The following KNTC1 variants were observed in gnomAD, a reference collection of about 807,000 sequenced individuals.
KNTC1 encodes the protein kinetochore-associated protein 1.
In KNTC1, 253 loss-of-function variants were observed where a neutral mutation model predicts 314.4. The ratio of observed to expected loss-of-function variants is 0.80; its 90% CI spans 0.73 to 0.89. The LOEUF is 0.89. Among genes scored for constraint, KNTC1 ranks in the 40% least tolerant of loss-of-function variants. The pLI, the probability that KNTC1 is intolerant of heterozygous loss-of-function variation, is 0.00. For synonymous variants in KNTC1, 901 were observed against 901.4 expected (o/e 1.00, Z 0.01); for missense variants, 2,475 against 2,572.9 (o/e 0.96, Z 0.82).
At chr12:122,556,856 C>T (rs1963632604) in intron 16 of KNTC1, among the ~76,000 whole-genome samples, 1 of 149,626 alleles carries the variant, frequency 6.7e-6, no homozygotes. Flanking sequence ...TGACTTATCT[C>T]ACTTACCATA....
intron 5 of KNTC1, among the ~76,000 whole-genome samples, chr12:122,541,334 TCTGTCTC>T (rs1565934853): frequency 5.4e-5 from 8 of 147,466 alleles, no homozygotes; most frequent in Admixed American, 1.3e-4. Context: ...CCGTCCTTCC[TCTGTCTC>T]TCCCTCTCTT....
In KNTC1 at chr12:122,546,227, G is replaced by T; in HGVS notation, c.721G>T (p.Gly241Ter). 6.2e-7 allele frequency: 1 copy of T among 1,609,126 alleles called. No homozygotes were observed. ...ATGGGAACCAGATTCTTCCAAGAAA[G>T]GAATGACAGTTAAGAACCTTATTGA... Reference protein sequence around the residue: ...SKWEPDSSKKGMTVKNLIDAE... With the variant: ...SKWEPDSSKK Residue 241 changes from glycine (G) to a stop codon, truncating the protein, a stop_gained, in exon 9 of 64, where the codon GGA becomes TGA. Coordinates refer to ENST00000333479, the MANE Select transcript of KNTC1 (RefSeq NM_014708.6). LOFTEE classifies it high-confidence loss of function.
intron 18 of KNTC1, 64 bp from the exon 19 acceptor site, chr12:122,561,857 T>A (rs1593545392): frequency 7.3e-7 from 1 of 1,363,924 alleles, no homozygotes. Context: ...TCACAGAAAA[T>A]CCATCATTTA....
At chr12:122,572,398 C>T (rs551971375) in intron 24 of KNTC1, among the ~76,000 whole-genome samples, 11 of 144,396 alleles carry the variant, frequency 7.6e-5, no homozygotes, top group Admixed American at 7.6e-4. Flanking sequence ...CTGTCCCCCC[C>T]AAAAAAAAAG....
chr12:122,573,094 A>G (rs1459311453), intron 25 of KNTC1, 38 bp downstream of exon 25: 4 of 1,613,376 alleles, frequency 2.5e-6, no homozygotes, highest in Non-Finnish European at 3.4e-6. Context: ...TTGTATATCA[A>G]GTTATGGGTA....
chr12:122,553,003 A>G (rs992093108), intron 16 of KNTC1, among the ~76,000 whole-genome samples: 5 of 152,094 alleles, frequency 3.3e-5, no homozygotes, highest in African/African-American at 1.2e-4. Flanking sequence ...CTAACAATAC[A>G]AAAATTAGCC....
chr12:122,542,325 A>G (rs1326692113), intron 6 of KNTC1, among the ~76,000 whole-genome samples, 198 bp downstream of exon 6: 1 of 152,246 alleles, frequency 6.6e-6, no homozygotes, highest in Non-Finnish European at 1.5e-5. Flanking sequence ...GAATAAATGT[A>G]ATTTTGATAT....
chr12:122,612,965 A>G (rs1873337078), intron 53 of KNTC1, 147 bp from the exon 54 acceptor site: 1 of 603,462 alleles, frequency 1.7e-6, no homozygotes, highest in Non-Finnish European at 3.0e-6. Context: ...GTTAAGAACC[A>G]CTGTTACACA....
chr12:122,587,592 C>T, intron 38 of KNTC1, 119 bp from the exon 39 acceptor site: 1 of 717,030 alleles, frequency 1.4e-6, no homozygotes, highest in Non-Finnish European at 2.1e-6. Flanking sequence ...TAACTGAGAA[C>T]AAACTCCATG....
At chr12:122,533,581 C>T (rs1421733375) in intron 2 of KNTC1, among the ~76,000 whole-genome samples, 1 of 151,996 alleles carries the variant, frequency 6.6e-6, no homozygotes, top group African/African-American at 2.4e-5. Context: ...TGTGTAGTCC[C>T]AGCTACTTGG....
At chr12:122,594,573 T>G (rs2138068146) in intron 43 of KNTC1, among the ~76,000 whole-genome samples, 188 bp downstream of exon 43, 1 of 152,322 alleles carries the variant, frequency 6.6e-6, no homozygotes. Context: ...AATTCACCAT[T>G]TAGTGTTTCC....
chr12:122,610,859 A>T lies in KNTC1; in HGVS notation c.5581A>T (p.Ser1861Cys), dbSNP rs1873042706. 3.7e-6 allele frequency: 6 copies of T among 1,613,550 alleles called. No homozygotes were observed. Among genetic ancestry groups the T allele is most frequent in the Non-Finnish European group, 5.1e-6 (6 of 1,179,614 alleles). Reference sequence around the variant, plus strand: ...CCTCCTGTCTCGTCCAATTGATTATAGTTCAAGAATGCTGTTTGTATTTGC... The same window carrying T: ...CCTCCTGTCTCGTCCAATTGATTATTGTTCAAGAATGCTGTTTGTATTTGC... ...YLLLSRPIDY[S>C]SRMLFVFATS... The change falls in exon 53 of 64, where the codon AGT becomes TGT. Residue 1861 changes from serine to cysteine, a missense_variant. Coordinates refer to ENST00000333479, the MANE Select transcript of KNTC1 (RefSeq NM_014708.6).
chr12:122,570,505 C>T (rs1466143001), intron 22 of KNTC1, among the ~76,000 whole-genome samples: 19 of 148,966 alleles, frequency 1.3e-4, no homozygotes, highest in Non-Finnish European at 3.0e-5. Context: ...TGAGCGAAAC[C>T]CTGTCTCAAA....
At chr12:122,565,145 T>A (rs529426553) in intron 20 of KNTC1, among the ~76,000 whole-genome samples, 136 of 152,212 alleles carry the variant, frequency 8.9e-4, no homozygotes, top group African/African-American at 2.9e-3. Context: ...TGGATTTGAT[T>A]TCCATTCTTA....
intron 63 of KNTC1, among the ~76,000 whole-genome samples, chr12:122,625,394 C>T (rs1248651429): frequency 6.6e-6 from 1 of 151,586 alleles, no homozygotes; most frequent in Non-Finnish European, 1.5e-5. Flanking sequence ...CAGAGCAAGA[C>T]TCTGTCTCCA....
rs1171300875 is a variant in KNTC1, at chr12:122,577,682, G to A, written c.2732G>A (p.Cys911Tyr). The change falls in exon 31 of 64, where the codon TGT becomes TAT. Residue 911 changes from cysteine (C) to tyrosine (Y), a missense_variant. By Grantham distance (194) the Cys-to-Tyr change is radical. Transcript: ENST00000333479. ...DLIDREQGEDCLLLLKSLPPA... is the reference protein window; with the variant it reads ...DLIDREQGEDYLLLLKSLPPA... ...AAACCCTGTTTATAGGGTGAAGACTGTCTCCTTCTGTTGAAGTCTTTGCCT... is the reference window on the plus strand; with the variant it reads ...AAACCCTGTTTATAGGGTGAAGACTATCTCCTTCTGTTGAAGTCTTTGCCT... The A allele has an allele frequency of 6.2e-7, 1 of 1,613,358 alleles. No homozygotes were observed. The highest frequency in any genetic ancestry group is 8.5e-7 in the Non-Finnish European group (1 of 1,179,664).
chr12:122,563,768 C>A, intron 20 of KNTC1: 2 of 1,457,936 alleles, frequency 1.4e-6, no homozygotes, highest in Non-Finnish European at 9.1e-7. Flanking sequence ...TCTTGTAACG[C>A]CAGTCGTGCC....
intron 37 of KNTC1, among the ~76,000 whole-genome samples, chr12:122,586,340 C>A (rs1427915062): frequency 6.6e-6 from 1 of 152,162 alleles, no homozygotes; most frequent in Non-Finnish European, 1.5e-5. Flanking sequence ...CCTCAGCCTT[C>A]CAAAGTGCAG....
rs761851540 is a variant in KNTC1 at position 122,586,777 on chromosome 12, T to C, written c.3730+20T>C. 3.0e-6 allele frequency: 3 copies of C among 996,804 alleles called. No homozygotes were observed. In the South Asian group the frequency reaches 7.4e-5, roughly 25 times the overall value. 61.7% of individuals were successfully genotyped at this position (996,804 alleles called of 1,614,324 possible). On this transcript the variant is annotated intron_variant, in intron 38 of 63. Transcript: ENST00000333479. Reference sequence around the variant, plus strand: ...ATGAAGGTATTTGGCACAAGAAATATATAGCATTCTATTAATATTTATTTA... The same window carrying C: ...ATGAAGGTATTTGGCACAAGAAATACATAGCATTCTATTAATATTTATTTA...
Sources: gnomAD v4.1 joint callset for allele counts (sites outside exome capture counted in the v4.1 genomes callset) on GRCh38, gnomAD v4.1.1 for gene constraint, MANE v1.5 for transcripts, NCBI Gene and HGNC (gene_info 2026-07-23, HGNC 2026-07-21) for gene names.